WDR70: variants seen among roughly 807,000 people sequenced by gnomAD.
The protein encoded by WDR70 is WD repeat-containing protein 70.
A neutral mutation model predicts 88.6 loss-of-function variants in WDR70; 53 were observed. That is an observed-to-expected ratio of 0.60 (90% CI 0.48 to 0.75). WDR70 has a LOEUF of 0.75. Ranked by LOEUF, WDR70 falls within the 30% of genes least tolerant of loss-of-function variation. The probability of loss-of-function intolerance (pLI) is 0.00; values close to 1 mark genes in which losing one functional copy is unlikely to be tolerated. For missense variants in WDR70, 610 were observed against 823.2 expected (o/e 0.74, Z 3.17); for synonymous variants, 280 against 270.0 (o/e 1.04, Z -0.36).
chr5:37,550,320 A>G, intron 9 of WDR70, among the ~76,000 whole-genome samples: 1 of 152,192 alleles, frequency 6.6e-6, no homozygotes. Context: ...GTTTTACTTC[A>G]TTGTGGGCAG....
At chr5:37,505,889 A>C (rs1740544751) in intron 8 of WDR70, 5 of 1,337,932 alleles carry the variant, frequency 3.7e-6, no homozygotes, top group Non-Finnish European at 5.4e-6. Flanking sequence ...CTCTCAAGTT[A>C]ATTCCTGTCA....
In WDR70 at chr5:37,557,914, A is replaced by ACTCTTCAAAAGAGTACTCTTTTGAAT. The variant is rs1409956836; in HGVS notation, c.917+41324_917+41325insCTCTTCAAAAGAGTACTCTTTTGAAT. On this transcript the variant is annotated intron_variant, in intron 9 of 17. Coordinates refer to ENST00000265107, the MANE Select transcript of WDR70 (RefSeq NM_018034.4). ...CTCTTCAGATTTATACTCTTTTGAA[A>ACTCTTCAAAAGAGTACTCTTTTGAAT]ACTCTTCAAAAGAGTACTCTTTTGA... Among the ~76,000 whole-genome samples the ACTCTTCAAAAGAGTACTCTTTTGAAT allele has an allele frequency of 3.6e-3, 146 of 40,222 alleles. 19 individuals carry two copies. The highest frequency in any genetic ancestry group is 8.0e-3 in the South Asian group (10 of 1,246). The allele number at this position is 40,222 out of a possible 152,430, so 26.4% of individuals were successfully genotyped here. A position where few individuals can be genotyped will look rare whatever the true frequency, so the allele number is the denominator to read the frequency against.
chr5:37,583,606 A>G, intron 9 of WDR70, among the ~76,000 whole-genome samples: 1 of 144,320 alleles, frequency 6.9e-6, no homozygotes, highest in Non-Finnish European at 1.5e-5. Flanking sequence ...ACACGCAGTC[A>G]TAGTAGGTGG....
chr5:37,742,515 A>G (rs1368466513), intron 17 of WDR70, among the ~76,000 whole-genome samples: 1 of 151,826 alleles, frequency 6.6e-6, no homozygotes, highest in East Asian at 1.9e-4. Flanking sequence ...ATTTGCAAAT[A>G]TTTTCTCCCA....
At chr5:37,486,076 T>C (rs773687317) in intron 8 of WDR70, among the ~76,000 whole-genome samples, 59 of 151,744 alleles carry the variant, frequency 3.9e-4, no homozygotes, top group Non-Finnish European at 6.5e-4. Context: ...TTTACAAAAA[T>C]GTGACCAGTA....
chr5:37,734,308 T>C (rs775485749), intron 17 of WDR70, among the ~76,000 whole-genome samples: 6 of 152,090 alleles, frequency 3.9e-5, no homozygotes, highest in Non-Finnish European at 5.9e-5. Context: ...AAATCAAATA[T>C]CAGCAGTTTT....
intron 13 of WDR70, among the ~76,000 whole-genome samples, chr5:37,716,753 C>T (rs1581523240): frequency 1.3e-5 from 2 of 152,248 alleles, no homozygotes; most frequent in South Asian, 2.1e-4. Flanking sequence ...AATCATTTCT[C>T]TCTTTGGTTT....
chr5:37,490,108 G>C (rs976006022), intron 8 of WDR70, among the ~76,000 whole-genome samples: 4 of 152,130 alleles, frequency 2.6e-5, no homozygotes, highest in Non-Finnish European at 5.9e-5. Flanking sequence ...ATGTGCATGT[G>C]CCTGAGGTGA....
At chr5:37,488,431 A>G (rs1192750257) in intron 8 of WDR70, among the ~76,000 whole-genome samples, 5 of 150,844 alleles carry the variant, frequency 3.3e-5, no homozygotes, top group African/African-American at 7.3e-5. Flanking sequence ...AACACCCACA[A>G]TTCAGATATT....
intron 7 of WDR70, among the ~76,000 whole-genome samples, chr5:37,473,343 CTTTTT>C (rs70978821): frequency 8.5e-6 from 1 of 117,232 alleles, no homozygotes; most frequent in Middle Eastern, 4.0e-3. Context: ...TATTCATATT[CTTTTT>C]TTTTTTTTTT....
intron 10 of WDR70, among the ~76,000 whole-genome samples, chr5:37,614,243 C>G (rs1744268885): frequency 6.6e-6 from 1 of 152,168 alleles, no homozygotes; most frequent in Admixed American, 6.5e-5. Flanking sequence ...CCTTCATCAT[C>G]AAGGCCAGCA....
chr5:37,487,487 A>G (rs1201674843), intron 8 of WDR70, among the ~76,000 whole-genome samples: 3 of 150,940 alleles, frequency 2.0e-5, no homozygotes, highest in African/African-American at 7.3e-5. Flanking sequence ...TATCATGATA[A>G]AATATTATAT....
chr5:37,734,396 CTTTA>C lies in WDR70; in HGVS notation c.1877+7358_1877+7361del, dbSNP rs1416646474. ...CACACAAGATGTTAAGAATCCAATT[CTTTA>C]TTTATTCATGCAAAAGAGATTTACT... On this transcript the variant is annotated intron_variant, in intron 17 of 17. Transcript: ENST00000265107. Among the ~76,000 whole-genome samples the C allele has an allele frequency of 2.6e-5, 4 of 152,088 alleles. 1 individual carries two copies. In the South Asian group the frequency reaches 8.3e-4, roughly 32 times the overall value.
chr5:37,689,508 A>G (rs1248303821), intron 10 of WDR70, among the ~76,000 whole-genome samples: 1 of 152,088 alleles, frequency 6.6e-6, no homozygotes, highest in African/African-American at 2.4e-5. Context: ...AGGCTGCAAT[A>G]TTTGCTGTTC....
intron 9 of WDR70, among the ~76,000 whole-genome samples, chr5:37,531,706 C>T (rs968104743): frequency 6.8e-6 from 1 of 147,992 alleles, no homozygotes; most frequent in Admixed American, 6.9e-5. Context: ...GAATTCTTAT[C>T]CATTCTGCCA....
chr5:37,598,927 G>A (rs1743780747), intron 9 of WDR70, among the ~76,000 whole-genome samples: 2 of 152,192 alleles, frequency 1.3e-5, no homozygotes, highest in Admixed American at 6.5e-5. Context: ...AGGCGCAAAT[G>A]CTTTCTGTCT....
chr5:37,480,118 A>G, intron 8 of WDR70, 131 bp downstream of exon 8: 3 of 1,153,512 alleles, frequency 2.6e-6, no homozygotes, highest in East Asian at 5.2e-5. Flanking sequence ...TGTTCTCACA[A>G]TCATGTGGAT....
chr5:37,487,621 A>ATTT (rs1561871968), intron 8 of WDR70, among the ~76,000 whole-genome samples: 1 of 37,692 alleles, frequency 2.7e-5, no homozygotes, highest in African/African-American at 7.3e-5. Context: ...ATATATATAT[A>ATTT]TATGTATTTT....
chr5:37,411,244 A>T (rs937683134), intron 5 of WDR70, among the ~76,000 whole-genome samples: 2 of 152,106 alleles, frequency 1.3e-5, no homozygotes, highest in African/African-American at 4.8e-5. Flanking sequence ...AACAGGTGTG[A>T]ACCACCATAC....
Sources: gnomAD v4.1 joint callset for allele counts (sites outside exome capture counted in the v4.1 genomes callset) on GRCh38, gnomAD v4.1.1 for gene constraint, MANE v1.5 for transcripts, NCBI Gene and HGNC (gene_info 2026-07-23, HGNC 2026-07-21) for gene names.